Variants in GGNBP2 observed in about 807,000 individuals in gnomAD.
The protein encoded by GGNBP2 is gametogenetin binding protein 2.
GGNBP2 carries 10 observed loss-of-function variants against 85.9 expected under a neutral mutation model. That is an observed-to-expected ratio of 0.12 (90% CI 0.07 to 0.20). The LOEUF (loss-of-function observed/expected upper bound fraction) is 0.20. Ranked by LOEUF, GGNBP2 falls within the 10% of genes least tolerant of loss-of-function variation. The pLI is 1.00. For synonymous variants in GGNBP2, 287 were observed against 285.7 expected (o/e 1.00, Z -0.05); for missense variants, 595 against 857.8 (o/e 0.69, Z 3.83).
rs2074411350 is a variant in GGNBP2 at position 36,561,006 on chromosome 17, A to G, written c.527+135A>G. Reference sequence around the variant, plus strand: ...TACTCTATGACATAGGTCAAAATAAATAGATCCTCTTGTTATGTTGGCCAT... The same window carrying G: ...TACTCTATGACATAGGTCAAAATAAGTAGATCCTCTTGTTATGTTGGCCAT... On this transcript the variant is annotated intron_variant, in intron 5 of 13. Transcript: ENST00000613102. The G allele has an allele frequency of 2.3e-5, 11 of 486,826 alleles. No individual in the cohort carries two copies. In the East Asian group the frequency reaches 3.8e-4, roughly 17 times the overall value. 30.2% of individuals were successfully genotyped at this position (486,826 alleles called of 1,614,324 possible).
chr17:36,575,648 ATTTTT>A (rs71274856), intron 6 of GGNBP2, among the ~76,000 whole-genome samples: 1 of 54,914 alleles, frequency 1.8e-5, no homozygotes, highest in East Asian at 6.3e-4. Context: ...ATATATATAT[ATTTTT>A]TTTTTTTTTT....
intron 6 of GGNBP2, among the ~76,000 whole-genome samples, chr17:36,570,585 A>G (rs1307107403): frequency 6.6e-6 from 1 of 152,156 alleles, no homozygotes; most frequent in Non-Finnish European, 1.5e-5. Flanking sequence ...CTATAATCCC[A>G]ACTACTCAGG....
chr17:36,575,640 A>ATT (rs1247915817), intron 6 of GGNBP2, among the ~76,000 whole-genome samples: 35 of 50,052 alleles, frequency 7.0e-4, no homozygotes, highest in East Asian at 3.5e-3. Context: ...ATATATATAT[A>ATT]TATATATATT....
chr17:36,573,086 G>C (rs993171886), intron 6 of GGNBP2, among the ~76,000 whole-genome samples: 1 of 152,046 alleles, frequency 6.6e-6, no homozygotes, highest in African/African-American at 2.4e-5. Flanking sequence ...AATGGGCAGT[G>C]TCATAGTATA....
intron 2 of GGNBP2, 106 bp downstream of exon 2, chr17:36,545,923 A>T (rs1388662847): frequency 1.2e-5 from 9 of 780,496 alleles, no homozygotes; most frequent in African/African-American, 1.8e-5. Context: ...AGTGTGTTGC[A>T]ACTCCTAGGC....
chr17:36,583,551 TGG>T (rs1421689303), intron 9 of GGNBP2, among the ~76,000 whole-genome samples: 1 of 151,224 alleles, frequency 6.6e-6, no homozygotes, highest in Non-Finnish European at 1.5e-5. Flanking sequence ...TTCCTCCTCC[TGG>T]GTTCAAGCGA....
chr17:36,552,880 T>C (rs1196482522), intron 2 of GGNBP2, among the ~76,000 whole-genome samples: 2 of 151,884 alleles, frequency 1.3e-5, no homozygotes, highest in African/African-American at 2.4e-5. Context: ...ATATTAACCA[T>C]GTTTGGTGGC....
intron 2 of GGNBP2, among the ~76,000 whole-genome samples, chr17:36,548,541 G>T (rs970152120): frequency 4.1e-5 from 6 of 145,918 alleles, no homozygotes; most frequent in Non-Finnish European, 8.9e-5. Flanking sequence ...TATGAACCCG[G>T]GAGGTGGAGG....
chr17:36,579,330 C>A lies in GGNBP2; in HGVS notation c.931C>A (p.His311Asn). 1 of 1,614,092 alleles carries A rather than the reference C, an allele frequency of 6.2e-7. No individual in the cohort carries two copies. The highest frequency in any genetic ancestry group is 8.5e-7 in the Non-Finnish European group (1 of 1,179,946). ...GGGAATTCATCTTTATGAAAGACTGCATCGAATCTGGCAGAAGCTACGGGC... is the reference window on the plus strand; with the variant it reads ...GGGAATTCATCTTTATGAAAGACTGAATCGAATCTGGCAGAAGCTACGGGC... ...CLGIHLYERL[H>N]RIWQKLRAEE... Residue 311 changes from histidine (H) to asparagine (N), a missense_variant, in exon 8 of 14, where the codon CAT (histidine) becomes AAT (asparagine). Around this residue, in one of 9 missense-constraint regions of GGNBP2, gnomAD observed 92 missense variants for 183.9 expected, o/e 0.50. Transcript: ENST00000613102.
At chr17:36,588,575 G>C (rs771260692) in intron 13 of GGNBP2, among the ~76,000 whole-genome samples, 1 of 151,110 alleles carries the variant, frequency 6.6e-6, no homozygotes, top group East Asian at 1.9e-4. Flanking sequence ...CTTTTTTATG[G>C]TTGTAAAGTT....
chr17:36,568,780 G>A (rs1288755182), intron 6 of GGNBP2, among the ~76,000 whole-genome samples: 1 of 149,072 alleles, frequency 6.7e-6, no homozygotes, highest in South Asian at 2.1e-4. Flanking sequence ...TTTTTGAGAC[G>A]AAGTCTCGCT....
intron 6 of GGNBP2, chr17:36,576,737 A>G (rs1006647881): frequency 4.7e-5 from 7 of 150,494 alleles, no homozygotes; most frequent in Non-Finnish European, 1.0e-4. Flanking sequence ...AGGGACCTAC[A>G]GGAGAAACAA....
At chr17:36,550,269 C>CT (rs1218549350) in intron 2 of GGNBP2, among the ~76,000 whole-genome samples, 1 of 152,056 alleles carries the variant, frequency 6.6e-6, no homozygotes, top group Non-Finnish European at 1.5e-5. Context: ...GCAGTTTACT[C>CT]TCCTAATTTA....
chr17:36,589,664 A>G lies in GGNBP2; in HGVS notation c.*253A>G, dbSNP rs1708716526. On this transcript the variant is annotated 3_prime_UTR_variant, in exon 14 of 14. Transcript: ENST00000613102. ...TTCATTAAATGTTTCTCTTCCTGTGAGACTTACTAAAGCAACTTAGTGGCA... is the reference window on the plus strand; with the variant it reads ...TTCATTAAATGTTTCTCTTCCTGTGGGACTTACTAAAGCAACTTAGTGGCA... 6.0e-6 allele frequency: 3 copies of G among 500,056 alleles called. No homozygotes were observed. The highest frequency in any genetic ancestry group is 1.1e-5 in the Non-Finnish European group (3 of 283,338). 31.0% of individuals were successfully genotyped at this position (500,056 alleles called of 1,614,324 possible). A position where few individuals can be genotyped will look rare whatever the true frequency, so the allele number is the denominator to read the frequency against.
intron 6 of GGNBP2, among the ~76,000 whole-genome samples, chr17:36,568,086 C>T (rs1297164744): frequency 1.3e-5 from 2 of 152,086 alleles, no homozygotes; most frequent in African/African-American, 2.4e-5. Flanking sequence ...CCGCCACACC[C>T]AGCTAATTTT....
intron 2 of GGNBP2, chr17:36,546,130 G>A (rs1240813133): frequency 2.3e-6 from 1 of 426,948 alleles, no homozygotes; most frequent in Non-Finnish European, 4.1e-6. Context: ...AGGGGTTGAA[G>A]GATCTTGGGC....
intron 5 of GGNBP2, among the ~76,000 whole-genome samples, chr17:36,566,154 C>T (rs1029770509): frequency 1.3e-5 from 2 of 152,138 alleles, no homozygotes; most frequent in South Asian, 4.1e-4. Context: ...TTGGACTGTA[C>T]TGAGACCTGC....
chr17:36,561,421 C>A (rs754979217), intron 5 of GGNBP2, among the ~76,000 whole-genome samples: 2 of 152,040 alleles, frequency 1.3e-5, no homozygotes, highest in Non-Finnish European at 2.9e-5. Context: ...CACACTCGGC[C>A]GGTTGAAGTC....
intron 4 of GGNBP2, 115 bp downstream of exon 4, chr17:36,557,451 G>A: frequency 2.2e-6 from 2 of 902,892 alleles, no homozygotes; most frequent in South Asian, 3.3e-5. Context: ...ATTTTATTGA[G>A]TAAGTTGTAT....
Sources: gnomAD v4.1 joint callset for allele counts (sites outside exome capture counted in the v4.1 genomes callset) on GRCh38, gnomAD v4.1.1 for gene constraint, gnomAD v4.1.1 regional missense constraint, MANE v1.5 for transcripts, NCBI Gene and HGNC (gene_info 2026-07-23, HGNC 2026-07-21) for gene names.